The following AGO3 variants were observed in gnomAD, a reference collection of about 807,000 sequenced individuals.
The protein encoded by AGO3 is protein argonaute-3.
Under a neutral mutation model 105.5 loss-of-function variants are expected in AGO3, and 16 were observed. That is an observed-to-expected ratio of 0.15 (90% CI 0.10 to 0.23). The LOEUF (loss-of-function observed/expected upper bound fraction) is 0.23, where lower values mean the gene tolerates loss of function less well. Ranked by LOEUF, AGO3 falls within the 10% of genes least tolerant of loss-of-function variation. The pLI, the probability that AGO3 is intolerant of heterozygous loss-of-function variation, is 1.00. For synonymous variants in AGO3, 340 were observed against 367.3 expected (o/e 0.93, Z 0.85); for missense variants, 534 against 1,088.0 (o/e 0.49, Z 7.16).
intron 1 of AGO3, among the ~76,000 whole-genome samples, chr1:35,944,765 A>G (rs1646330089): frequency 6.6e-6 from 1 of 151,754 alleles, no homozygotes; most frequent in Non-Finnish European, 1.5e-5. Flanking sequence ...TGGCCTCCCA[A>G]AGTCCTGGGA....
rs1336311133 is a variant in AGO3, at chr1:36,055,538, T to G, written c.2475-99T>G. ...GATTGTTACACCAGTCTCTTATTTG[T>G]TAATAATTTTGAAATTTTCTACAAC... On this transcript the variant is annotated intron_variant, in intron 18 of 18. Coordinates refer to ENST00000373191, the MANE Select transcript of AGO3 (RefSeq NM_024852.4). The surrounding 1 kb of genome is among the most constrained non-coding windows in gnomAD (Gnocchi z 4.4). 1.4e-5 allele frequency: 16 copies of G among 1,131,438 alleles called. No homozygotes were observed. The highest frequency in any genetic ancestry group is 2.0e-5 in the Non-Finnish European group (15 of 760,114). The allele number at this position is 1,131,438 out of a possible 1,614,324, so 70.1% of individuals were successfully genotyped here.
At chr1:35,975,791 T>C (rs1267680721) in intron 5 of AGO3, among the ~76,000 whole-genome samples, 1 of 152,176 alleles carries the variant, frequency 6.6e-6, no homozygotes, top group South Asian at 2.1e-4. Flanking sequence ...ATTTATAAAT[T>C]AAGTTAGGAC....
intron 6 of AGO3, among the ~76,000 whole-genome samples, chr1:36,006,031 G>A (rs1223543129): frequency 2.6e-5 from 4 of 151,562 alleles, no homozygotes; most frequent in Non-Finnish European, 5.9e-5. Flanking sequence ...TATGATCCTA[G>A]TTTGGGGGTG....
rs78643884 is a variant in AGO3 at position 36,030,888 on chromosome 1, A to C, written c.1592-3286A>C. 0.011 allele frequency among the ~76,000 whole-genome samples: 1,737 copies of C among 152,258 alleles called. 66 individuals carry two copies. The East Asian group carries it at 0.15, about 13-fold the overall frequency. ...TGTAGTGTTTTCCCTAGACTTTTTA[A>C]TATATATTTACAACTAATCTGAGTC... On this transcript the variant is annotated intron_variant, in intron 12 of 18. Transcript: ENST00000373191.
chr1:36,003,513 G>A (rs1192061451), intron 5 of AGO3, among the ~76,000 whole-genome samples: 5 of 151,052 alleles, frequency 3.3e-5, no homozygotes, highest in Admixed American at 6.6e-5. Flanking sequence ...TGACCAACAC[G>A]GAGAAACCCC....
intron 11 of AGO3, among the ~76,000 whole-genome samples, chr1:36,018,572 A>G (rs537519188): frequency 1.1e-4 from 16 of 151,886 alleles, no homozygotes; most frequent in African/African-American, 3.6e-4. Flanking sequence ...AGCTGGGACT[A>G]CAGGCATGTG....
rs750682205 is a variant in AGO3, at chr1:36,055,726, G to A, written c.2564G>A (p.Arg855His). Residue 855 changes from arginine (R) to histidine (H), a missense_variant, in exon 19 of 19, where the codon CGC (arginine) becomes CAC (histidine). By Grantham distance (29) the Arg-to-His change is conservative (BLOSUM62 0). This residue lies in a region of AGO3 where 373 missense variants were observed against 854.0 expected (regional missense o/e 0.44). Coordinates refer to ENST00000373191, the MANE Select transcript of AGO3 (RefSeq NM_024852.4). This position sits in a 1 kb window ranked among gnomAD's most constrained non-coding sequence, Gnocchi z 4.4. Reference sequence around the variant, plus strand: ...GTACAGATTCACCAAGATACCTTACGCACAATGTACTTCGCTTAAATAGTC... The same window carrying A: ...GTACAGATTCACCAAGATACCTTACACACAATGTACTTCGCTTAAATAGTC... ...KAVQIHQDTL[R>H]TMYFA 4.6e-5 allele frequency: 74 copies of A among 1,614,012 alleles called. No individual in the cohort carries two copies. In the South Asian group the frequency reaches 6.7e-4, roughly 15 times the overall value.
chr1:36,039,791 T>C lies in AGO3; in HGVS notation c.1844T>C (p.Val615Ala). 1 of 1,499,774 alleles carries C rather than the reference T, an allele frequency of 6.7e-7. No individual in the cohort carries two copies. The highest frequency in any genetic ancestry group is 8.9e-7 in the Non-Finnish European group (1 of 1,121,886). 92.9% of individuals were successfully genotyped at this position (1,499,774 alleles called of 1,614,324 possible). A position where few individuals can be genotyped will look rare whatever the true frequency, so the allele number is the denominator to read the frequency against. The change falls in exon 15 of 19, where the codon GTT becomes GCT. Residue 615 changes from valine to alanine, a missense_variant and splice_region_variant. Coordinates refer to ENST00000373191, the MANE Select transcript of AGO3 (RefSeq NM_024852.4). ...GDGKKPSIAA[V>A]VGSMDAHPSR... ...TTTATTTTACTTTTTCTAACCTAGG[T>C]TGTAGGTAGTATGGATGCACACCCA...
rs1235994406 is a variant in AGO3 at position 36,003,709 on chromosome 1, A to AATATATATAT, written c.659-611_659-602dup. 7.0e-5 allele frequency among the ~76,000 whole-genome samples: 7 copies of AATATATATAT among 99,434 alleles called. No individual in the cohort carries two copies. In the East Asian group the frequency reaches 8.8e-4, roughly 12 times the overall value. The allele number at this position is 99,434 out of a possible 152,430, so 65.2% of individuals were successfully genotyped here. ...AAGTCTGTCTCAAAAAAAAAAAAAA[A>AATATATATAT]ATATATATATATATATATATATATA... On this transcript the variant is annotated intron_variant, in intron 5 of 18. Coordinates refer to ENST00000373191, the MANE Select transcript of AGO3 (RefSeq NM_024852.4).
intron 3 of AGO3, among the ~76,000 whole-genome samples, chr1:35,968,367 C>T (rs1469437980): frequency 1.3e-5 from 2 of 151,896 alleles, no homozygotes; most frequent in African/African-American, 4.8e-5. Flanking sequence ...TAATTATTAC[C>T]ACCTTCCATC....
intron 4 of AGO3, 103 bp from the exon 5 acceptor site, chr1:35,973,272 A>G: frequency 8.5e-7 from 1 of 1,171,666 alleles, no homozygotes; most frequent in Non-Finnish European, 1.1e-6. Context: ...ATTCATAATG[A>G]TAAGCATCAT....
intron 1 of AGO3, among the ~76,000 whole-genome samples, chr1:35,938,861 A>G (rs1458493659): frequency 6.6e-6 from 1 of 152,086 alleles, no homozygotes; most frequent in African/African-American, 2.4e-5. Context: ...TTTTTTCATC[A>G]GTCACATTTG....
chr1:36,027,646 G>A lies in AGO3; in HGVS notation c.1591+348G>A, dbSNP rs1291743504. ...TACAAAAAATTAGCTGGGCGTGGTG[G>A]TGGGCGCCTGTGGTCCCAGCCACTC... On this transcript the variant is annotated intron_variant, in intron 12 of 18. Transcript: ENST00000373191. The surrounding 1 kb of genome is among the most constrained non-coding windows in gnomAD (Gnocchi z 4.0). Among the ~76,000 whole-genome samples, 1 of 152,084 alleles carries A rather than the reference G, an allele frequency of 6.6e-6. No individual in the cohort carries two copies. Among genetic ancestry groups the A allele is most frequent in the Admixed American group, 6.6e-5 (1 of 15,248 alleles).
intron 1 of AGO3, among the ~76,000 whole-genome samples, chr1:35,934,093 G>A (rs369639599): frequency 2.6e-5 from 4 of 152,074 alleles, no homozygotes; most frequent in East Asian, 3.8e-4. Context: ...ATGAAACACC[G>A]TTTTTTATGG....
intron 3 of AGO3, among the ~76,000 whole-genome samples, chr1:35,970,717 C>T (rs2148773284): frequency 6.6e-6 from 1 of 151,112 alleles, no homozygotes; most frequent in South Asian, 2.1e-4. Flanking sequence ...AATTTTTTCC[C>T]TCCCTCCCTT....
chr1:36,039,576 G>A (rs1021420532), intron 14 of AGO3, among the ~76,000 whole-genome samples: 1 of 151,430 alleles, frequency 6.6e-6, no homozygotes, highest in African/African-American at 2.4e-5. Flanking sequence ...TAAATTCCTG[G>A]GCACAAGTGA....
chr1:35,944,388 A>G (rs994420229), intron 1 of AGO3, among the ~76,000 whole-genome samples: 1 of 152,080 alleles, frequency 6.6e-6, no homozygotes, highest in African/African-American at 2.4e-5. Context: ...TTATTTCTCT[A>G]GGAATTTGTC....
chr1:35,951,319 A>G (rs1050126277), intron 2 of AGO3, among the ~76,000 whole-genome samples: 7 of 152,202 alleles, frequency 4.6e-5, no homozygotes, highest in East Asian at 3.8e-4. Flanking sequence ...GTTACTGTTA[A>G]TATTCTATGA....
In AGO3 at chr1:36,019,760, G is replaced by GTGTTTGTTTGTT. The variant is rs375343888; in HGVS notation, c.1406+5726_1406+5737dup. Among the ~76,000 whole-genome samples the GTGTTTGTTTGTT allele has an allele frequency of 5.4e-3, 818 of 152,084 alleles. 6 individuals carry two copies. Among genetic ancestry groups the GTGTTTGTTTGTT allele is most frequent in the African/African-American group, 0.018 (765 of 41,464 alleles). ...GTCACAACACCAATATATATGTAAG[G>GTGTTTGTTTGTT]TGTTTGTTTGTTTGTTTGTTTGTTT... On this transcript the variant is annotated intron_variant, in intron 11 of 18. Transcript: ENST00000373191.
Sources: gnomAD v4.1 joint callset for allele counts (sites outside exome capture counted in the v4.1 genomes callset) on GRCh38, gnomAD v4.1.1 for gene constraint, gnomAD v4.1.1 regional missense constraint, Gnocchi (gnomAD v3.1) non-coding constraint, MANE v1.5 for transcripts, NCBI Gene and HGNC (gene_info 2026-07-23, HGNC 2026-07-21) for gene names.